SCNN1A: variants seen among roughly 807,000 people sequenced by gnomAD.
SCNN1A encodes sodium channel epithelial 1 subunit alpha.
SCNN1A carries 65 observed loss-of-function variants against 68.6 expected under a neutral mutation model. The ratio of observed to expected loss-of-function variants is 0.95; its 90% CI spans 0.78 to 1.16. SCNN1A has a LOEUF of 1.16. Ranked by LOEUF, SCNN1A falls within the 50% of genes most tolerant of loss-of-function variation. The pLI, the probability that SCNN1A is intolerant of heterozygous loss-of-function variation, is 0.00. For missense variants in SCNN1A, 880 were observed against 865.9 expected, an observed-to-expected ratio of 1.02 and a Z score of -0.20; for synonymous variants, 357 against 353.3, an observed-to-expected ratio of 1.01 and a Z score of -0.12.
rs778844081 is a variant in SCNN1A at position 6,354,400 on chromosome 12, G to A, written c.1360+38C>T. On this transcript the variant is annotated intron_variant, in intron 8 of 12. Coordinates refer to ENST00000228916, the MANE Select transcript of SCNN1A (RefSeq NM_001038.6). ...GAAAAAGTGCCTCAGTGAGTACTGG[G>A]GTCAGTGGGGCAGGGTGGGGGCTCC... 8.0e-6 allele frequency: 11 copies of A among 1,378,596 alleles called. No individual in the cohort carries two copies. In the South Asian group the frequency reaches 1.2e-4, roughly 15 times the overall value. The allele number at this position is 1,378,596 out of a possible 1,614,324, so 85.4% of individuals were successfully genotyped here.
Position 6,374,303 on chromosome 12 carries a change from C to T in SCNN1A, c.416+65G>A. The T allele has an allele frequency of 1.9e-6, 3 of 1,566,554 alleles. No homozygotes were observed. Among genetic ancestry groups the T allele is most frequent in the Non-Finnish European group, 2.6e-6 (3 of 1,147,508 alleles). ...TGAGGCTCTGCCTGCCCAGTGAGCA[C>T]CTCAGCACCCTGGACCACCCTTCCA... On this transcript the variant is annotated intron_variant, in intron 2 of 12. Coordinates refer to ENST00000228916, the MANE Select transcript of SCNN1A (RefSeq NM_001038.6). The surrounding 1 kb of genome is among the most constrained non-coding windows in gnomAD (Gnocchi z 6.2).
intron 8 of SCNN1A, 146 bp downstream of exon 8, chr12:6,354,292 A>G: frequency 1.4e-6 from 1 of 704,828 alleles, no homozygotes; most frequent in East Asian, 2.5e-5. Flanking sequence ...GGCAGAGACT[A>G]AAGGCTGAAA....
chr12:6,364,477 C>T (rs960719099), intron 2 of SCNN1A, among the ~76,000 whole-genome samples: 1 of 152,024 alleles, frequency 6.6e-6, no homozygotes. Flanking sequence ...GCATTTAGGC[C>T]GGGTGTGGTG....
chr12:6,359,764 CTTTTTTTTT>C (rs59652159), intron 4 of SCNN1A, among the ~76,000 whole-genome samples: 11 of 76,946 alleles, frequency 1.4e-4, no homozygotes, highest in Non-Finnish European at 2.0e-4. Context: ...TCAGATATTC[CTTTTTTTTT>C]TTTTTTTTTT....
At chr12:6,358,878 AAGGTGGT>A (rs1948539259) in intron 4 of SCNN1A, among the ~76,000 whole-genome samples, 15 of 147,842 alleles carry the variant, frequency 1.0e-4, no homozygotes, top group African/African-American at 3.7e-4. Context: ...AAAAAAAAAA[AAGGTGGT>A]GTATCTACAC....
At chr12:6,375,706 C>T, upstream of SCNN1A, 3 of 1,434,676 alleles carry the variant, frequency 2.1e-6, no homozygotes, top group South Asian at 4.3e-5. Flanking sequence ...AGAAGGCGGA[C>T]TCTGGGCAGG....
At chr12:6,375,756 A>T, upstream of SCNN1A, 1 of 1,410,422 alleles carries the variant, frequency 7.1e-7, no homozygotes, top group Non-Finnish European at 9.2e-7. Context: ...GGGGGACAGG[A>T]TGGCAGGTGA....
Position 6,347,766 on chromosome 12 carries a change from T to C in SCNN1A, c.*107A>G. The C allele has an allele frequency of 1.0e-6, 1 of 976,694 alleles. No individual in the cohort carries two copies. The highest frequency in any genetic ancestry group is 1.4e-5 in the South Asian group (1 of 71,972). The allele number at this position is 976,694 out of a possible 1,614,324, so 60.5% of individuals were successfully genotyped here. ...TTCCCCTCCACACATCAACGGCAGTTTGGGCGGCTCTGAGAGGAAGCCCTG... is the reference window on the plus strand; with the variant it reads ...TTCCCCTCCACACATCAACGGCAGTCTGGGCGGCTCTGAGAGGAAGCCCTG... On this transcript the variant is annotated 3_prime_UTR_variant, in exon 13 of 13. Coordinates refer to ENST00000228916, the MANE Select transcript of SCNN1A (RefSeq NM_001038.6).
intron 4 of SCNN1A, chr12:6,356,116 G>A (rs553867983): frequency 4.2e-5 from 24 of 578,278 alleles, no homozygotes; most frequent in South Asian, 3.5e-4. Context: ...TATCACAGAG[G>A]AGGAAGCTAA....
chr12:6,364,183 T>C (rs1031990392), intron 2 of SCNN1A: 1 of 153,556 alleles, frequency 6.5e-6, no homozygotes, highest in African/African-American at 2.4e-5. Flanking sequence ...ACTGAACTTT[T>C]AGAATCTCCA....
chr12:6,376,337 T>C (rs1250712256), upstream of SCNN1A: 2 of 223,774 alleles, frequency 8.9e-6, no homozygotes, highest in East Asian at 1.8e-4. Flanking sequence ...TGTTCTTTTT[T>C]ACACTGTTGG....
In SCNN1A at chr12:6,374,637, G is replaced by A. The variant is rs200770604; in HGVS notation, c.147C>T (p.Ile49=). The change falls in exon 2 of 13, where the codon ATC becomes ATT. Residue 49 remains isoleucine (I), a synonymous_variant. Transcript: ENST00000228916. The surrounding 1 kb of genome is among the most constrained non-coding windows in gnomAD (Gnocchi z 6.2). ...GCTCTCGGTAGGAGCGGTGGAACTC[G>A]ATCAGGGCCTCCTCCTCCGCCGTGG... ...QQPTAEEEAL[I]EFHRSYRELF... is the part of the protein sequence containing the mutation. 4.8e-5 allele frequency: 77 copies of A among 1,613,436 alleles called. No homozygotes were observed. The Admixed American group carries it at 1.0e-3, about 21-fold the overall frequency.
Position 6,347,429 on chromosome 12 carries a change from G to A in SCNN1A, c.*444C>T, listed in dbSNP as rs1592057247. 5.2e-6 allele frequency: 1 copy of A among 191,832 alleles called. No homozygotes were observed. Among genetic ancestry groups the A allele is most frequent in the East Asian group, 1.3e-4 (1 of 7,756 alleles). The allele number at this position is 191,832 out of a possible 1,614,324, so 11.9% of individuals were successfully genotyped here. ...AGGAGGAGCAGACATCTGTGCTACT[G>A]GAGAGCAGTGTGGCCAGGCCAGTCG... is the stretch of plus-strand genomic sequence containing the variant. On this transcript the variant is annotated 3_prime_UTR_variant, in exon 13 of 13. Transcript: ENST00000228916.
At chr12:6,348,424 T>C (rs932909584) in intron 12 of SCNN1A, among the ~76,000 whole-genome samples, 171 bp from the exon 13 acceptor site, 3 of 150,732 alleles carry the variant, frequency 2.0e-5, no homozygotes, top group African/African-American at 7.3e-5. Context: ...CTGGCCAGTG[T>C]CACCCAGAGA....
intron 2 of SCNN1A, among the ~76,000 whole-genome samples, chr12:6,371,212 G>A (rs559388979): frequency 2.0e-5 from 3 of 151,948 alleles, no homozygotes; most frequent in South Asian, 2.1e-4. Flanking sequence ...CTCATCAACC[G>A]ATCTCCTCGG....
chr12:6,369,221 C>A (rs893703214), intron 2 of SCNN1A, among the ~76,000 whole-genome samples: 3 of 151,962 alleles, frequency 2.0e-5, no homozygotes, highest in Non-Finnish European at 4.4e-5. Context: ...CCCTGGGGAG[C>A]CCCCATGCCA....
At chr12:6,354,962 C>G (rs761573145) in intron 6 of SCNN1A, 114 bp from the exon 7 acceptor site, 2 of 917,696 alleles carry the variant, frequency 2.2e-6, no homozygotes, top group Non-Finnish European at 3.6e-6. Flanking sequence ...CTACTGGCCT[C>G]GCCCTCTCAA....
At chr12:6,355,661 T>G in intron 5 of SCNN1A, 116 bp downstream of exon 5, 3 of 918,192 alleles carry the variant, frequency 3.3e-6, no homozygotes, top group Admixed American at 1.7e-5. Flanking sequence ...GTGGCACCTA[T>G]TGGGGAGAGA....
upstream of SCNN1A, chr12:6,375,636 G>C: frequency 1.3e-6 from 2 of 1,489,384 alleles, no homozygotes; most frequent in Non-Finnish European, 1.8e-6. Context: ...AGTCAGAGCC[G>C]GGAGTTTTCC....
Sources: gnomAD v4.1 joint callset for allele counts (sites outside exome capture counted in the v4.1 genomes callset) on GRCh38, gnomAD v4.1.1 for gene constraint, Gnocchi (gnomAD v3.1) non-coding constraint, MANE v1.5 for transcripts, NCBI Gene and HGNC (gene_info 2026-07-23, HGNC 2026-07-21) for gene names.